ADCY8: variants seen among roughly 807,000 people sequenced by gnomAD.
The protein encoded by ADCY8 is adenylate cyclase type 8.
ADCY8 carries 51 observed loss-of-function variants against 119.7 expected under a neutral mutation model. The ratio of observed to expected loss-of-function variants is 0.43; its 90% CI spans 0.34 to 0.54. The LOEUF is 0.54. ADCY8 is among the 20% of genes least tolerant of loss of function. The pLI is 0.03. For synonymous variants in ADCY8, 665 were observed against 651.0 expected (o/e 1.02, Z -0.33); for missense variants, 1,383 against 1,598.8 (o/e 0.87, Z 2.30).
At chr8:130,837,662 T>A (rs918081455) in intron 11 of ADCY8, among the ~76,000 whole-genome samples, 10 of 152,226 alleles carry the variant, frequency 6.6e-5, no homozygotes, top group African/African-American at 2.2e-4. Context: ...TAGAGAAGTA[T>A]CCTAATATAT....
At chr8:130,929,550 A>G (rs562134949) in intron 5 of ADCY8, among the ~76,000 whole-genome samples, 113 of 152,278 alleles carry the variant, frequency 7.4e-4, no homozygotes, top group African/African-American at 2.6e-3. Context: ...TTTATGTCCT[A>G]ACATATGAGC....
chr8:130,882,724 A>G (rs991533662), intron 8 of ADCY8, among the ~76,000 whole-genome samples: 1 of 152,234 alleles, frequency 6.6e-6, no homozygotes, highest in East Asian at 1.9e-4. Flanking sequence ...CAGTTGATTT[A>G]TGCAGACAGC....
chr8:130,803,516 G>C (rs1295133506), intron 14 of ADCY8, among the ~76,000 whole-genome samples: 6 of 152,160 alleles, frequency 3.9e-5, no homozygotes, highest in Non-Finnish European at 7.3e-5. Context: ...AGACAGTCTG[G>C]TCCAAGGTAA....
At chr8:130,821,482 CTG>C (rs899419258) in intron 12 of ADCY8, 62 bp from the exon 13 acceptor site, 1 of 1,316,962 alleles carries the variant, frequency 7.6e-7, no homozygotes, top group African/African-American at 1.5e-5. Flanking sequence ...TATGAGAAAA[CTG>C]AGGTTCAGAA....
At chr8:130,895,281 G>T (rs537326364) in intron 7 of ADCY8, among the ~76,000 whole-genome samples, 152 of 152,202 alleles carry the variant, frequency 1.0e-3, no homozygotes, top group African/African-American at 3.5e-3. Flanking sequence ...TAAAAGAAGA[G>T]TCCAATTCGT....
intron 5 of ADCY8, among the ~76,000 whole-genome samples, chr8:130,913,018 T>A (rs992886468): frequency 6.6e-6 from 1 of 152,182 alleles, no homozygotes; most frequent in African/African-American, 2.4e-5. Context: ...ACTATTCAAG[T>A]GTATAGTAGG....
At chr8:131,018,132 A>G (rs1353618907) in intron 1 of ADCY8, among the ~76,000 whole-genome samples, 1 of 152,204 alleles carries the variant, frequency 6.6e-6, no homozygotes, top group Non-Finnish European at 1.5e-5. Flanking sequence ...CCCTTCTTCA[A>G]TATTTCATAT....
At chr8:131,015,428 G>A (rs1031903845) in intron 1 of ADCY8, among the ~76,000 whole-genome samples, 1 of 152,176 alleles carries the variant, frequency 6.6e-6, no homozygotes, top group African/African-American at 2.4e-5. Context: ...ATCCAAAGGA[G>A]TAATGAGGAG....
chr8:130,888,331 A>G (rs1819065857), intron 7 of ADCY8, among the ~76,000 whole-genome samples: 1 of 152,026 alleles, frequency 6.6e-6, no homozygotes, highest in African/African-American at 2.4e-5. Context: ...GATATTTGGG[A>G]TGTCAGATTG....
At chr8:130,831,835 T>A (rs1416417520) in intron 12 of ADCY8, among the ~76,000 whole-genome samples, 2 of 152,124 alleles carry the variant, frequency 1.3e-5, no homozygotes, top group African/African-American at 4.8e-5. Context: ...AGAGTGAGGA[T>A]CTTTCCAGAG....
chr8:130,946,936 T>C (rs1821121632), intron 3 of ADCY8, among the ~76,000 whole-genome samples: 1 of 152,120 alleles, frequency 6.6e-6, no homozygotes, highest in Non-Finnish European at 1.5e-5. Context: ...ACAATAAGGA[T>C]TTATTGAATA....
Position 130,836,888 on chromosome 8 carries a change from C to T in ADCY8, c.2503-439G>A, listed in dbSNP as rs566754857. ...AGCTGGGATTACAGGCACATGCCAC[C>T]ACACCTGGCTAACTTTTCTATTTTT... On this transcript the variant is annotated intron_variant, in intron 11 of 17. Coordinates refer to ENST00000286355, the MANE Select transcript of ADCY8 (RefSeq NM_001115.3). 2.6e-5 allele frequency among the ~76,000 whole-genome samples: 4 copies of T among 152,214 alleles called. No individual in the cohort carries two copies. The South Asian group carries it at 6.2e-4, about 24-fold the overall frequency.
intron 7 of ADCY8, among the ~76,000 whole-genome samples, chr8:130,887,802 A>G (rs1003642056): frequency 6.6e-6 from 1 of 152,156 alleles, no homozygotes; most frequent in African/African-American, 2.4e-5. Flanking sequence ...GTCATTAGTA[A>G]TGACCACTAA....
intron 8 of ADCY8, among the ~76,000 whole-genome samples, chr8:130,876,974 TA>T (rs1186619817): frequency 6.6e-6 from 1 of 152,162 alleles, no homozygotes; most frequent in Non-Finnish European, 1.5e-5. Flanking sequence ...TGCTGCCTTC[TA>T]TTACTGTGGG....
chr8:130,784,279 T>C (rs1205764274), intron 16 of ADCY8, among the ~76,000 whole-genome samples: 2 of 152,088 alleles, frequency 1.3e-5, no homozygotes, highest in Non-Finnish European at 2.9e-5. Context: ...AAGAACTGTG[T>C]CTATTTCCTT....
rs1563779010 is a variant in ADCY8, at chr8:131,039,852, A to T, written c.482T>A (p.Phe161Tyr). Residue 161 changes from phenylalanine to tyrosine, a missense_variant, in exon 1 of 18, where the codon TTC becomes TAC. Physicochemically the swap from Phe to Tyr is conservative, Grantham distance 22 (BLOSUM62 3). Coordinates refer to ENST00000286355, the MANE Select transcript of ADCY8 (RefSeq NM_001115.3). ...GVIFPTLRNS[F>Y]KSRDLERLYQ... ...GAGGCGTTCCAAATCCCGAGATTTG[A>T]AGGAGTTGCGCAGGGTGGGGAAAAT... 3.7e-6 allele frequency: 6 copies of T among 1,614,120 alleles called. No individual in the cohort carries two copies. The highest frequency in any genetic ancestry group is 5.1e-6 in the Non-Finnish European group (6 of 1,180,008).
intron 9 of ADCY8, among the ~76,000 whole-genome samples, chr8:130,865,149 G>A (rs961999954): frequency 6.6e-6 from 1 of 152,096 alleles, no homozygotes; most frequent in Non-Finnish European, 1.5e-5. Flanking sequence ...GTTAGTATCC[G>A]TGGTTAGTAT....
intron 9 of ADCY8, among the ~76,000 whole-genome samples, chr8:130,857,648 C>A (rs1426112282): frequency 6.6e-6 from 1 of 152,148 alleles, no homozygotes; most frequent in Admixed American, 6.5e-5. Context: ...TGGTGTGCGC[C>A]CCCACCAGGA....
At chr8:130,908,732 A>C (rs1302174224) in intron 6 of ADCY8, among the ~76,000 whole-genome samples, 1 of 152,210 alleles carries the variant, frequency 6.6e-6, no homozygotes, top group Non-Finnish European at 1.5e-5. Context: ...AGAGTGATGC[A>C]AGCCAAGTTC....
Sources: allele counts gnomAD v4.1 joint callset (sites outside exome capture counted in the v4.1 genomes callset), GRCh38; gene constraint gnomAD v4.1.1; transcripts MANE v1.5; gene names NCBI Gene and HGNC (gene_info 2026-07-23, HGNC 2026-07-21).